Variants in C3orf70 observed in about 807,000 individuals in gnomAD.
The protein encoded by C3orf70 is UPF0524 protein C3orf70.
In C3orf70, 15 loss-of-function variants were observed where a neutral mutation model predicts 20.7. That is an observed-to-expected ratio of 0.72 (90% CI 0.48 to 1.11). The LOEUF (loss-of-function observed/expected upper bound fraction) is 1.11. Among genes scored for constraint, C3orf70 ranks in the 50% most tolerant of loss-of-function variants. The pLI, the probability that C3orf70 is intolerant of heterozygous loss-of-function variation, is 0.00. For synonymous variants in C3orf70, 161 were observed against 125.7 expected (o/e 1.28, Z -1.88); for missense variants, 332 against 317.6 (o/e 1.05, Z -0.34).
Position 185,083,070 on chromosome 3 carries a change from G to A in C3orf70, c.690C>T (p.Cys230=). The A allele has an allele frequency of 6.2e-7, 1 of 1,614,160 alleles. No individual in the cohort carries two copies. The highest frequency in any genetic ancestry group is 8.5e-7 in the Non-Finnish European group (1 of 1,180,032). ...SPESSWEPDE[C]TLLSPSQSDL... ...CAGACTGCGAGGGGGAGAGAAGGGT[G>A]CACTCATCCGGTTCCCAGCTGCTCT... is the stretch of plus-strand genomic sequence containing the variant. The change falls in exon 2 of 2, where the codon TGC becomes TGT. Residue 230 remains cysteine (C), a synonymous_variant. Transcript: ENST00000335012.
chr3:185,146,275 C>CTTTT (rs1431009979), intron 1 of C3orf70, among the ~76,000 whole-genome samples: 49 of 114,456 alleles, frequency 4.3e-4, no homozygotes, highest in African/African-American at 1.6e-3. Context: ...TTACAACTCT[C>CTTTT]ATTTTTTTTT....
rs543941680 is a variant in C3orf70, at chr3:185,094,239, G to A, written c.197-10676C>T. Among the ~76,000 whole-genome samples the A allele has an allele frequency of 4.0e-5, 6 of 151,832 alleles. No homozygotes were observed. In the South Asian group the frequency reaches 1.2e-3, roughly 32 times the overall value. ...ATTACAGGCATGAGCCACCACACCT[G>A]GCTAGTTTTTATATTTTTGTAGAGA... On this transcript the variant is annotated intron_variant, in intron 1 of 1. Coordinates refer to ENST00000335012, the MANE Select transcript of C3orf70 (RefSeq NM_001025266.3).
intron 1 of C3orf70, among the ~76,000 whole-genome samples, chr3:185,110,788 T>C (rs1443546013): frequency 1.3e-5 from 2 of 152,266 alleles, no homozygotes; most frequent in African/African-American, 4.8e-5. Context: ...TGCAGTTAAC[T>C]AGCCCAACCT....
chr3:185,117,502 T>G (rs1716206187), intron 1 of C3orf70, among the ~76,000 whole-genome samples: 1 of 149,970 alleles, frequency 6.7e-6, no homozygotes, highest in African/African-American at 2.5e-5. Context: ...ATGGCAGAAC[T>G]GAAGGAACAA....
At chr3:185,115,600 C>G (rs1334803276) in intron 1 of C3orf70, among the ~76,000 whole-genome samples, 2 of 152,208 alleles carry the variant, frequency 1.3e-5, no homozygotes, top group Non-Finnish European at 2.9e-5. Flanking sequence ...TCAGCACCCT[C>G]CTTTTGCCTC....
Position 185,082,871 on chromosome 3 carries a change from A to G in C3orf70, c.*136T>C, listed in dbSNP as rs1165802055. ...ACGGAGAGAAGCTAATCAGCATACC[A>G]CTGAACTGCTACGGTTGTTGGTTGG... On this transcript the variant is annotated 3_prime_UTR_variant, in exon 2 of 2. Transcript: ENST00000335012. The G allele has an allele frequency of 1.3e-6, 1 of 773,562 alleles. No homozygotes were observed. The highest frequency in any genetic ancestry group is 2.3e-5 in the Admixed American group (1 of 43,298). The allele number at this position is 773,562 out of a possible 1,614,324, so 47.9% of individuals were successfully genotyped here.
intron 1 of C3orf70, among the ~76,000 whole-genome samples, chr3:185,088,616 A>C (rs757978365): frequency 6.6e-6 from 1 of 152,134 alleles, no homozygotes. Flanking sequence ...TTGTATTAGG[A>C]GGTACATGCT....
intron 1 of C3orf70, among the ~76,000 whole-genome samples, chr3:185,112,178 T>C (rs985291258): frequency 1.3e-5 from 2 of 151,948 alleles, no homozygotes; most frequent in Admixed American, 6.6e-5. Flanking sequence ...TAATCCCAGC[T>C]ACTTGGGAAG....
At chr3:185,139,239 G>C (rs912282171) in intron 1 of C3orf70, among the ~76,000 whole-genome samples, 1 of 151,714 alleles carries the variant, frequency 6.6e-6, no homozygotes, top group African/African-American at 2.4e-5. Flanking sequence ...CAATGACGAC[G>C]AGAGAAAAAG....
chr3:185,083,738 T>C (rs1715403344), intron 1 of C3orf70, among the ~76,000 whole-genome samples, 175 bp from the exon 2 acceptor site: 1 of 152,218 alleles, frequency 6.6e-6, no homozygotes, highest in African/African-American at 2.4e-5. Flanking sequence ...GCATGGTATA[T>C]AATAATTTTC....
rs116536870 is a variant in C3orf70, at chr3:185,093,356, G to A, written c.197-9793C>T. 3.6e-3 allele frequency among the ~76,000 whole-genome samples: 555 copies of A among 152,284 alleles called. 3 individuals carry two copies. Among genetic ancestry groups the A allele is most frequent in the African/African-American group, 0.012 (500 of 41,556 alleles). On this transcript the variant is annotated intron_variant, in intron 1 of 1. Coordinates refer to ENST00000335012, the MANE Select transcript of C3orf70 (RefSeq NM_001025266.3). ...GCCATAAATCTAAAATAGAGAAGCT[G>A]TTTGCCATACTTAGGAATTCACAAC... is the stretch of plus-strand genomic sequence containing the variant.
At chr3:185,124,219 A>G (rs76145895) in intron 1 of C3orf70, among the ~76,000 whole-genome samples, 7,899 of 152,246 alleles carry the variant, frequency 0.052, 669 homozygotes, top group African/African-American at 0.18. Flanking sequence ...TTTGGTATCC[A>G]CGGGGGGATC....
chr3:185,100,296 C>T (rs1013860674), intron 1 of C3orf70, among the ~76,000 whole-genome samples: 10 of 152,098 alleles, frequency 6.6e-5, no homozygotes, highest in African/African-American at 1.7e-4. Flanking sequence ...CATAATCGGA[C>T]ATAAAACACA....
Position 185,083,365 on chromosome 3 carries a change from T to A in C3orf70, c.395A>T (p.Asp132Val). 6.2e-7 allele frequency: 1 copy of A among 1,614,090 alleles called. No individual in the cohort carries two copies. Among genetic ancestry groups the A allele is most frequent in the Non-Finnish European group, 8.5e-7 (1 of 1,179,984 alleles). The change falls in exon 2 of 2, where the codon GAC becomes GTC. Residue 132 changes from aspartate (D) to valine (V), a missense_variant. By Grantham distance (152) the Asp-to-Val change is radical (BLOSUM62 -3). Coordinates refer to ENST00000335012, the MANE Select transcript of C3orf70 (RefSeq NM_001025266.3). ...RYCMISDLFI[D>V]NYQVKCINGK... ...ATTAATACATTTAACCTGATAGTTG[T>A]CAATAAAAAGGTCTGAAATCATACA... is the stretch of plus-strand genomic sequence containing the variant.
At chr3:185,131,980 T>C (rs1029366764) in intron 1 of C3orf70, among the ~76,000 whole-genome samples, 2 of 152,026 alleles carry the variant, frequency 1.3e-5, no homozygotes, top group African/African-American at 4.8e-5. Flanking sequence ...GGAGGAAAAA[T>C]TGTAACTCAC....
intron 1 of C3orf70, among the ~76,000 whole-genome samples, chr3:185,124,461 T>C (rs1716368283): frequency 1.3e-5 from 2 of 152,312 alleles, no homozygotes; most frequent in East Asian, 1.9e-4. Flanking sequence ...CTATGGTAAT[T>C]AGGACAATGT....
At chr3:185,140,478 A>C (rs1716728564) in intron 1 of C3orf70, among the ~76,000 whole-genome samples, 1 of 152,244 alleles carries the variant, frequency 6.6e-6, no homozygotes, top group South Asian at 2.1e-4. Flanking sequence ...AGGTGAATGC[A>C]AATTAAAACC....
intron 1 of C3orf70, among the ~76,000 whole-genome samples, chr3:185,148,052 G>A (rs1716911677): frequency 6.6e-6 from 1 of 152,000 alleles, no homozygotes; most frequent in Non-Finnish European, 1.5e-5. Flanking sequence ...TTATCCTCTT[G>A]TACCCAGACT....
chr3:185,135,747 CAT>C (rs1716611119), intron 1 of C3orf70, among the ~76,000 whole-genome samples: 1 of 152,060 alleles, frequency 6.6e-6, no homozygotes, highest in Non-Finnish European at 1.5e-5. Flanking sequence ...CAAAATATCA[CAT>C]GTATCCCATA....
Sources: gnomAD v4.1 joint callset for allele counts (sites outside exome capture counted in the v4.1 genomes callset) on GRCh38, gnomAD v4.1.1 for gene constraint, MANE v1.5 for transcripts, NCBI Gene and HGNC (gene_info 2026-07-23, HGNC 2026-07-21) for gene names.